Variants in PTK2 observed in about 807,000 individuals in gnomAD.
The protein encoded by PTK2 is protein tyrosine kinase 2, also known as focal adhesion kinase 1.
Under a neutral mutation model 150.1 loss-of-function variants are expected in PTK2, and 45 were observed. The ratio of observed to expected loss-of-function variants is 0.30; its 90% confidence interval spans 0.24 to 0.38. PTK2 has a LOEUF of 0.38. Ranked by LOEUF, PTK2 falls within the 10% of genes least tolerant of loss-of-function variation. The pLI is 1.00. For synonymous variants in PTK2, 432 were observed against 449.2 expected (o/e 0.96, Z 0.48); for missense variants, 919 against 1,307.3 (o/e 0.70, Z 4.58).
intron 7 of PTK2, among the ~76,000 whole-genome samples, chr8:140,836,714 A>G (rs1027063399): frequency 6.6e-6 from 1 of 152,332 alleles, no homozygotes; most frequent in Admixed American, 6.5e-5. Flanking sequence ...TACCTATGGA[A>G]TATCTTACAG....
At chr8:140,686,690 G>T in exon 27 of PTK2, 2 of 1,612,874 alleles carry the variant, frequency 1.2e-6, no homozygotes, top group Non-Finnish European at 1.7e-6. Flanking sequence ...TCTCACATCA[G>T]GTTTCTGAAG....
At chr8:140,896,791 G>T (rs1357847398) in intron 2 of PTK2, among the ~76,000 whole-genome samples, 1 of 118,326 alleles carries the variant, frequency 8.5e-6, no homozygotes, top group Non-Finnish European at 2.1e-5. Context: ...AAAAAAACGG[G>T]GGGGGGGGGT....
chr8:140,725,397 G>T (rs756815271), intron 22 of PTK2, among the ~76,000 whole-genome samples: 22 of 152,192 alleles, frequency 1.4e-4, no homozygotes, highest in Non-Finnish European at 2.8e-4. Context: ...CTGGATATAA[G>T]AAACAACTGT....
exon 5 of PTK2, chr8:140,864,338 G>A (rs1479246001): frequency 6.3e-7 from 1 of 1,596,420 alleles, no homozygotes; most frequent in Admixed American, 1.7e-5. Flanking sequence ...TTCAAAGTTG[G>A]CTTATCTTCA....
chr8:140,833,568 G>A (rs556258582), intron 7 of PTK2, among the ~76,000 whole-genome samples: 10 of 152,148 alleles, frequency 6.6e-5, no homozygotes, highest in Non-Finnish European at 1.5e-4. Flanking sequence ...TGATCTGTGT[G>A]TTTGGGACTG....
intron 1 of PTK2, among the ~76,000 whole-genome samples, chr8:140,937,638 G>T (rs564044913): frequency 6.7e-6 from 1 of 149,482 alleles, no homozygotes; most frequent in South Asian, 2.1e-4. Flanking sequence ...ACAAAAATTG[G>T]AAAGAAAACA....
exon 3 of PTK2, chr8:140,890,688 C>A (rs746193983): frequency 6.2e-7 from 1 of 1,613,998 alleles, no homozygotes; most frequent in African/African-American, 1.3e-5. Flanking sequence ...AGTCTTAGTA[C>A]TCGAATTTGG....
intron 1 of PTK2, chr8:140,940,501 G>A (rs1411508698): frequency 6.6e-6 from 1 of 152,002 alleles, no homozygotes; most frequent in African/African-American, 2.4e-5. Flanking sequence ...ATTCCAGACA[G>A]GATCCTGTAT....
chr8:140,806,265 T>C (rs2100098142), intron 10 of PTK2, among the ~76,000 whole-genome samples: 1 of 152,238 alleles, frequency 6.6e-6, no homozygotes, highest in African/African-American at 2.4e-5. Context: ...TATGCTGTTT[T>C]TGAAGTTTTA....
chr8:140,702,645 C>G (rs775041249), exon 25 of PTK2: 1 of 1,614,044 alleles, frequency 6.2e-7, no homozygotes, highest in Non-Finnish European at 8.5e-7. Context: ...AAAGAGATGC[C>G]TGACCTGGAT....
intron 22 of PTK2, among the ~76,000 whole-genome samples, chr8:140,719,742 G>A (rs1393368392): frequency 1.3e-5 from 2 of 151,720 alleles, no homozygotes; most frequent in African/African-American, 2.4e-5. Flanking sequence ...CTTGAAACAG[G>A]GCCAGGCAAG....
chr8:140,664,224 T>G (rs2086002507), intron 31 of PTK2, among the ~76,000 whole-genome samples: 1 of 152,186 alleles, frequency 6.6e-6, no homozygotes, highest in South Asian at 2.1e-4. Context: ...CCTCGTGATC[T>G]GTCCGCCTCA....
intron 27 of PTK2, among the ~76,000 whole-genome samples, chr8:140,682,199 T>C (rs550447295): frequency 5.3e-5 from 8 of 152,218 alleles, no homozygotes; most frequent in East Asian, 1.9e-4. Flanking sequence ...CTGGCCAACA[T>C]TGTGAAACCC....
At chr8:140,837,385 C>T (rs959430382) in intron 7 of PTK2, among the ~76,000 whole-genome samples, 1 of 152,202 alleles carries the variant, frequency 6.6e-6, no homozygotes, top group African/African-American at 2.4e-5. Flanking sequence ...ATTTGTCACA[C>T]TCTCAGAAAC....
chr8:140,884,372 T>C (rs1440673094), intron 3 of PTK2, among the ~76,000 whole-genome samples: 1 of 152,214 alleles, frequency 6.6e-6, no homozygotes, highest in Non-Finnish European at 1.5e-5. Flanking sequence ...ATACTTTCCA[T>C]CCTGTAAAGG....
chr8:140,668,179 C>T (rs1057265111), intron 30 of PTK2, 90 bp downstream of exon 34: 37 of 1,465,846 alleles, frequency 2.5e-5, no homozygotes, highest in African/African-American at 1.1e-4. Context: ...TTTGGTGGGG[C>T]GGGGGGACCT....
intron 17 of PTK2, among the ~76,000 whole-genome samples, chr8:140,751,655 C>G (rs1343084576): frequency 6.6e-6 from 1 of 152,020 alleles, no homozygotes; most frequent in Non-Finnish European, 1.5e-5. Flanking sequence ...CTATGCACGG[C>G]TAATTTTTTG....
intron 2 of PTK2, among the ~76,000 whole-genome samples, chr8:140,891,841 C>A (rs909011414): frequency 2.0e-5 from 3 of 152,222 alleles, no homozygotes; most frequent in Non-Finnish European, 2.9e-5. Context: ...CATCCCCAGG[C>A]TTGCAGTGAG....
At chr8:140,668,185 G>T (rs367922689) in intron 30 of PTK2, 84 bp downstream of exon 34, 17 of 1,510,796 alleles carry the variant, frequency 1.1e-5, no homozygotes, top group South Asian at 9.4e-5. Flanking sequence ...GGGGCGGGGG[G>T]ACCTAGAGAC....
Sources: allele counts gnomAD v4.1 joint callset (sites outside exome capture counted in the v4.1 genomes callset), GRCh38; gene constraint gnomAD v4.1.1; transcripts MANE v1.5; gene names NCBI Gene and HGNC (gene_info 2026-07-23, HGNC 2026-07-21).